The following FRMD4B variants were observed in gnomAD, a reference collection of about 807,000 sequenced individuals.
FRMD4B encodes the protein FERM domain-containing protein 4B.
Under a neutral mutation model 141.5 loss-of-function variants are expected in FRMD4B, and 74 were observed. The ratio of observed to expected loss-of-function variants is 0.52; its 90% confidence interval spans 0.43 to 0.63. The LOEUF (loss-of-function observed/expected upper bound fraction) is 0.63, where lower values mean the gene tolerates loss of function less well. Among genes scored for constraint, FRMD4B ranks in the 30% least tolerant of loss-of-function variants. The pLI, the probability that FRMD4B is intolerant of heterozygous loss-of-function variation, is 0.00. For synonymous variants in FRMD4B, 506 were observed against 467.9 expected (o/e 1.08, Z -1.05); for missense variants, 1,366 against 1,253.4 (o/e 1.09, Z -1.36).
At chr3:69,436,444 A>G (rs1705261770) in intron 1 of FRMD4B, among the ~76,000 whole-genome samples, 1 of 152,224 alleles carries the variant, frequency 6.6e-6, no homozygotes, top group African/African-American at 2.4e-5. Context: ...GAAAATAAGA[A>G]GTGTTGGTGA....
At chr3:69,194,913 G>T in intron 16 of FRMD4B, 109 bp downstream of exon 16, 1 of 960,936 alleles carries the variant, frequency 1.0e-6, no homozygotes, top group Non-Finnish European at 1.6e-6. Context: ...ATCTGTACTG[G>T]TGAGATAACA....
rs1331501563 is a variant in FRMD4B at position 69,275,285 on chromosome 3, AC to A, written c.501+12466del. 5.9e-5 allele frequency among the ~76,000 whole-genome samples: 9 copies of A among 152,218 alleles called. No homozygotes were observed. The East Asian group carries it at 9.6e-4, about 16-fold the overall frequency. ...ATTACCTTTAACAACAGGAAAAAAA[AC>A]GTCGTTGTCTTTAGTAGCAAGCCTT... On this transcript the variant is annotated intron_variant, in intron 5 of 22. Coordinates refer to ENST00000398540, the MANE Select transcript of FRMD4B (RefSeq NM_015123.3).
intron 1 of FRMD4B, among the ~76,000 whole-genome samples, chr3:69,338,673 G>A (rs2107365205): frequency 6.6e-6 from 1 of 152,146 alleles, no homozygotes; most frequent in South Asian, 2.1e-4. Flanking sequence ...CAGACACCGA[G>A]GCCTACTTGA....
At chr3:69,387,639 T>A (rs902961023), upstream of FRMD4B, among the ~76,000 whole-genome samples, 2 of 152,216 alleles carry the variant, frequency 1.3e-5, no homozygotes, top group African/African-American at 4.8e-5. Flanking sequence ...GAACAGATTA[T>A]CGACAAGTAA....
intron 5 of FRMD4B, among the ~76,000 whole-genome samples, chr3:69,268,746 G>T (rs144449174): frequency 6.6e-6 from 1 of 151,780 alleles, no homozygotes; most frequent in African/African-American, 2.4e-5. Flanking sequence ...ATCCTATCTG[G>T]CTGTTTTGCA....
intron 1 of FRMD4B, among the ~76,000 whole-genome samples, chr3:69,465,968 C>T (rs1336273001): frequency 6.6e-6 from 1 of 152,212 alleles, no homozygotes; most frequent in South Asian, 2.1e-4. Flanking sequence ...AATTGCCACA[C>T]TGTCTTCCAC....
At chr3:69,388,230 G>T (rs76757149), upstream of FRMD4B, among the ~76,000 whole-genome samples, 1,073 of 152,202 alleles carry the variant, frequency 7.0e-3, 16 homozygotes, top group African/African-American at 0.024. Context: ...AAACACTCTG[G>T]CTGTTAGCTA....
chr3:69,335,048 C>T (rs1307643905), intron 1 of FRMD4B, among the ~76,000 whole-genome samples: 1 of 152,148 alleles, frequency 6.6e-6, no homozygotes, highest in Non-Finnish European at 1.5e-5. Flanking sequence ...CTTTGGGAGG[C>T]TGATGCAGAA....
intron 5 of FRMD4B, among the ~76,000 whole-genome samples, chr3:69,258,586 T>C (rs549284383): frequency 6.6e-6 from 1 of 152,220 alleles, no homozygotes; most frequent in South Asian, 2.1e-4. Context: ...AATTTGAATA[T>C]TTCCCTTGCA....
At chr3:69,306,664 G>C (rs1418913131) in intron 3 of FRMD4B, 1 of 152,200 alleles carries the variant, frequency 6.6e-6, no homozygotes, top group Non-Finnish European at 1.5e-5. Context: ...GTGGTTGTTG[G>C]TCATCATCAC....
intron 3 of FRMD4B, among the ~76,000 whole-genome samples, chr3:69,304,660 G>C (rs1382934610): frequency 6.6e-6 from 1 of 152,108 alleles, no homozygotes; most frequent in South Asian, 2.1e-4. Flanking sequence ...GGGATCAAAA[G>C]GATTGATGAC....
chr3:69,270,401 T>C lies in FRMD4B; in HGVS notation c.501+17351A>G, dbSNP rs17632842. Among the ~76,000 whole-genome samples the C allele has an allele frequency of 5.8e-3, 885 of 151,988 alleles. 3 individuals carry two copies. The highest frequency in any genetic ancestry group is 0.01 in the Non-Finnish European group (696 of 68,012). On this transcript the variant is annotated intron_variant, in intron 5 of 22. Coordinates refer to ENST00000398540, the MANE Select transcript of FRMD4B (RefSeq NM_015123.3). ...CTGCTTCTACTGTGTGTGAGAAAAA[T>C]AGATGACAGATAGATGACAGATGTA...
rs149945263 is a variant in FRMD4B, at chr3:69,500,242, T to A, written c.-129+41964A>T. On this transcript the variant is annotated intron_variant, in intron 1 of 5. Coordinates refer to the FRMD4B transcript ENST00000459638. The stretch of plus-strand genomic sequence containing the variant: ...CAAGAGACTAAGGTCAGGCATGTGG[T>A]CGAAATCACACGTATTCCTGGGCAG... Among the ~76,000 whole-genome samples the A allele has an allele frequency of 1.7e-3, 260 of 152,308 alleles. 2 individuals carry two copies. The highest frequency in any genetic ancestry group is 6.1e-3 in the African/African-American group (252 of 41,572).
At chr3:69,225,081 T>C (rs904617968) in intron 7 of FRMD4B, among the ~76,000 whole-genome samples, 1 of 152,170 alleles carries the variant, frequency 6.6e-6, no homozygotes, top group Non-Finnish European at 1.5e-5. Flanking sequence ...ACCATTCACA[T>C]AACATCAACA....
intron 1 of FRMD4B, among the ~76,000 whole-genome samples, chr3:69,455,711 A>G (rs1192908083): frequency 2.0e-5 from 3 of 152,346 alleles, no homozygotes; most frequent in South Asian, 2.1e-4. Flanking sequence ...AAGTGTGGCT[A>G]GGTGTTTTAA....
intron 2 of FRMD4B, among the ~76,000 whole-genome samples, chr3:69,391,235 TTTA>T (rs1187263334): frequency 6.9e-6 from 1 of 145,576 alleles, no homozygotes; most frequent in African/African-American, 2.6e-5. Flanking sequence ...TTATTTATTA[TTTA>T]TTTATTTTTA....
intron 1 of FRMD4B, among the ~76,000 whole-genome samples, chr3:69,476,795 A>G (rs1004098614): frequency 2.6e-5 from 4 of 152,198 alleles, no homozygotes; most frequent in African/African-American, 9.7e-5. Context: ...TACCTTGGGC[A>G]GTATGGCTAT....
chr3:69,221,207 C>T (rs963205336), intron 9 of FRMD4B, among the ~76,000 whole-genome samples: 1 of 152,266 alleles, frequency 6.6e-6, no homozygotes, highest in East Asian at 1.9e-4. Context: ...AAATGATCCG[C>T]CCTCCTCAGC....
intron 1 of FRMD4B, among the ~76,000 whole-genome samples, chr3:69,325,083 A>AAAAAGAAAGAAAGAAAG (rs1702143229): frequency 7.0e-6 from 1 of 143,312 alleles, no homozygotes; most frequent in Non-Finnish European, 1.5e-5. Flanking sequence ...TCTAAAAAAA[A>AAAAAGAAAGAAAGAAAG]AAAAAGAAAG....
Sources: allele counts gnomAD v4.1 joint callset (sites outside exome capture counted in the v4.1 genomes callset), GRCh38; gene constraint gnomAD v4.1.1; transcripts MANE v1.5; gene names NCBI Gene and HGNC (gene_info 2026-07-23, HGNC 2026-07-21).